GRAMD2B: variants seen among roughly 807,000 people sequenced by gnomAD.
GRAMD2B encodes GRAM domain containing 2B, also known as GRAM domain-containing protein 2B.
Under a neutral mutation model 59.2 loss-of-function variants are expected in GRAMD2B, and 41 were observed. The ratio of observed to expected loss-of-function variants is 0.69; its 90% CI spans 0.54 to 0.90. The LOEUF is 0.90. Ranked by LOEUF, GRAMD2B falls within the 40% of genes least tolerant of loss-of-function variation. The pLI is 0.00. For synonymous variants in GRAMD2B, 161 were observed against 182.7 expected (o/e 0.88, Z 0.96); for missense variants, 424 against 500.5 (o/e 0.85, Z 1.46).
At chr5:126,386,760 T>G (rs914392943) in intron 1 of GRAMD2B, among the ~76,000 whole-genome samples, 4 of 152,176 alleles carry the variant, frequency 2.6e-5, no homozygotes, top group Non-Finnish European at 4.4e-5. Flanking sequence ...ATTTGTCAGA[T>G]GGGGCTAATA....
At chr5:126,467,714 G>T (rs767875948) in intron 2 of GRAMD2B, 1 of 152,034 alleles carries the variant, frequency 6.6e-6, no homozygotes, top group South Asian at 2.1e-4. Flanking sequence ...TTTTTTCATA[G>T]CTTCCAAAAA....
At chr5:126,477,541 T>C (rs1438393819) in intron 5 of GRAMD2B, 151 bp from the exon 6 acceptor site, 17 of 656,606 alleles carry the variant, frequency 2.6e-5, no homozygotes, top group South Asian at 8.9e-5. Flanking sequence ...CCTGCCACTC[T>C]GTAAGACTGG....
chr5:126,437,404 G>A (rs1382339099), intron 1 of GRAMD2B, among the ~76,000 whole-genome samples: 3 of 152,204 alleles, frequency 2.0e-5, no homozygotes, highest in African/African-American at 2.4e-5. Flanking sequence ...TGCCATGGAA[G>A]GGGATTTGGG....
intron 1 of GRAMD2B, among the ~76,000 whole-genome samples, chr5:126,366,121 C>T (rs1754426200): frequency 6.6e-6 from 1 of 152,226 alleles, no homozygotes; most frequent in Non-Finnish European, 1.5e-5. Flanking sequence ...TTCTCTGCAT[C>T]CTCTCAAAGG....
intron 3 of GRAMD2B, 55 bp downstream of exon 3, chr5:126,469,843 C>G (rs1769215226): frequency 7.6e-7 from 1 of 1,322,418 alleles, no homozygotes. Flanking sequence ...CTACTGAAGC[C>G]AGTGACAAGA....
At chr5:126,369,308 T>C (rs1754623927), upstream of GRAMD2B, among the ~76,000 whole-genome samples, 1 of 150,168 alleles carries the variant, frequency 6.7e-6, no homozygotes, top group African/African-American at 2.5e-5. Context: ...ATGAATGAAT[T>C]CCAGCATGAC....
intron 1 of GRAMD2B, among the ~76,000 whole-genome samples, chr5:126,429,298 C>A (rs1761159228): frequency 6.6e-6 from 1 of 152,150 alleles, no homozygotes; most frequent in Non-Finnish European, 1.5e-5. Flanking sequence ...AAACGAAATA[C>A]CACATGTTCT....
exon 1 of GRAMD2B, chr5:126,360,446 C>A: frequency 6.4e-7 from 1 of 1,551,088 alleles, no homozygotes; most frequent in Non-Finnish European, 8.7e-7. Context: ...GCCAGTGGGT[C>A]CGGACCTGGA....
chr5:126,371,150 A>C (rs1754729297), upstream of GRAMD2B, among the ~76,000 whole-genome samples: 1 of 152,196 alleles, frequency 6.6e-6, no homozygotes, highest in Non-Finnish European at 1.5e-5. Context: ...TTCTGACTAA[A>C]TTCAGATTCA....
At chr5:126,424,072 T>C (rs1760155821) in intron 1 of GRAMD2B, among the ~76,000 whole-genome samples, 1 of 152,184 alleles carries the variant, frequency 6.6e-6, no homozygotes, top group African/African-American at 2.4e-5. Flanking sequence ...ACTTGTTCAA[T>C]AACGATGGGC....
At chr5:126,482,585 A>G (rs1477250138) in intron 8 of GRAMD2B, among the ~76,000 whole-genome samples, 1 of 152,254 alleles carries the variant, frequency 6.6e-6, no homozygotes, top group Non-Finnish European at 1.5e-5. Flanking sequence ...ATACTGCCTG[A>G]TATGAGATAG....
chr5:126,363,099 T>A (rs1754291518), intron 1 of GRAMD2B, among the ~76,000 whole-genome samples: 1 of 152,152 alleles, frequency 6.6e-6, no homozygotes, highest in African/African-American at 2.4e-5. Flanking sequence ...AGCCACAATA[T>A]ATAAAGCATA....
At chr5:126,438,581 G>A (rs1762787235) in intron 1 of GRAMD2B, among the ~76,000 whole-genome samples, 1 of 152,186 alleles carries the variant, frequency 6.6e-6, no homozygotes, top group Admixed American at 6.5e-5. Flanking sequence ...TCAGGGGCTT[G>A]AGGAACATGG....
upstream of GRAMD2B, among the ~76,000 whole-genome samples, chr5:126,368,615 G>T (rs1354248086): frequency 1.3e-5 from 2 of 152,116 alleles, no homozygotes; most frequent in Non-Finnish European, 2.9e-5. Context: ...CCTGAGGGAG[G>T]CAAAAGCATT....
chr5:126,443,353 C>T (rs754153783), intron 1 of GRAMD2B, among the ~76,000 whole-genome samples: 44 of 152,184 alleles, frequency 2.9e-4, no homozygotes, highest in Non-Finnish European at 4.4e-4. Flanking sequence ...CTCAGGCGCA[C>T]CTGAAATGAC....
upstream of GRAMD2B, among the ~76,000 whole-genome samples, chr5:126,371,094 G>C (rs1754726516): frequency 6.6e-6 from 1 of 152,202 alleles, no homozygotes; most frequent in Non-Finnish European, 1.5e-5. Flanking sequence ...GCCAGTCTCT[G>C]CACCTCATTG....
intron 1 of GRAMD2B, among the ~76,000 whole-genome samples, chr5:126,392,055 A>C (rs1048481304): frequency 1.3e-5 from 2 of 152,244 alleles, no homozygotes; most frequent in African/African-American, 4.8e-5. Flanking sequence ...AGAAAGACTG[A>C]CATGCCTTTG....
chr5:126,454,572 C>T (rs1220927137), intron 1 of GRAMD2B, among the ~76,000 whole-genome samples: 2 of 152,108 alleles, frequency 1.3e-5, no homozygotes, highest in African/African-American at 2.4e-5. Context: ...TTCAAAGAGA[C>T]ATAATATTTT....
intron 1 of GRAMD2B, among the ~76,000 whole-genome samples, chr5:126,410,037 C>T (rs1758640033): frequency 6.6e-6 from 1 of 151,492 alleles, no homozygotes; most frequent in Non-Finnish European, 1.5e-5. Context: ...TGTTCTGTTC[C>T]ATTGATCTAT....
Sources: gnomAD v4.1 joint callset for allele counts (sites outside exome capture counted in the v4.1 genomes callset) on GRCh38, gnomAD v4.1.1 for gene constraint, MANE v1.5 for transcripts, NCBI Gene and HGNC (gene_info 2026-07-23, HGNC 2026-07-21) for gene names.